CDC25B: variants seen among roughly 807,000 people sequenced by gnomAD.
CDC25B encodes the protein cell division cycle 25B.
A neutral mutation model predicts 69.8 loss-of-function variants in CDC25B; 33 were observed. The observed-to-expected ratio is 0.47, with a 90% CI of 0.36 to 0.63. The LOEUF is 0.63. CDC25B is among the 30% of genes least tolerant of loss of function. The pLI, the probability that CDC25B is intolerant of heterozygous loss-of-function variation, is 0.00. For missense variants in CDC25B, 727 were observed against 809.1 expected (o/e 0.90, Z 1.23); for synonymous variants, 341 against 314.6 (o/e 1.08, Z -0.89).
chr20:3,791,171 A>C (rs2088909632), intron 1 of CDC25B, among the ~76,000 whole-genome samples: 1 of 152,240 alleles, frequency 6.6e-6, no homozygotes, highest in African/African-American at 2.4e-5. Context: ...TATTGAAGAC[A>C]ATAACTCAAC....
chr20:3,796,501 C>T lies in CDC25B; in HGVS notation c.-31C>T. On this transcript the variant is annotated 5_prime_UTR_variant, in exon 1 of 16. Coordinates refer to ENST00000245960, the MANE Select transcript of CDC25B (RefSeq NM_021873.4). Reference sequence around the variant, plus strand: ...TTTGTTGGCTGCCCTGCGCCCGGCCCTCCAGCCAGCCTTCTGCCGGCCCCG... The same window carrying T: ...TTTGTTGGCTGCCCTGCGCCCGGCCTTCCAGCCAGCCTTCTGCCGGCCCCG... The T allele has an allele frequency of 6.8e-7, 1 of 1,471,502 alleles. No homozygotes were observed. Among genetic ancestry groups the T allele is most frequent in the Non-Finnish European group, 8.9e-7 (1 of 1,117,388 alleles). 91.2% of individuals were successfully genotyped at this position (1,471,502 alleles called of 1,614,324 possible).
intron 3 of CDC25B, 140 bp downstream of exon 3, chr20:3,798,603 C>T: frequency 1.8e-6 from 1 of 555,610 alleles, no homozygotes; most frequent in Non-Finnish European, 3.1e-6. Flanking sequence ...GGCCGGGGGG[C>T]TCACTGACTT....
At chr20:3,799,136 G>A (rs1295739847) in intron 3 of CDC25B, among the ~76,000 whole-genome samples, 1 of 152,216 alleles carries the variant, frequency 6.6e-6, no homozygotes, top group African/African-American at 2.4e-5. Flanking sequence ...AGGGACAGCT[G>A]GGCATCTCTG....
Position 3,802,928 on chromosome 20 carries a change from G to A in CDC25B, c.1213G>A (p.Val405Ile). 1.9e-6 allele frequency: 3 copies of A among 1,613,992 alleles called. No homozygotes were observed. The highest frequency in any genetic ancestry group is 2.5e-6 in the Non-Finnish European group (3 of 1,179,874). Residue 405 changes from valine to isoleucine, a missense_variant, in exon 12 of 16, where the codon GTA (valine) becomes ATA (isoleucine). Transcript: ENST00000245960. ...DYSKAFLLQTVDGKHQDLKYI... is the reference protein window; with the variant it reads ...DYSKAFLLQTIDGKHQDLKYI... Reference sequence around the variant, plus strand: ...CCTTCAGGCCTTCCTCCTACAGACAGTAGACGGAAAGCACCAAGACCTCAA... The same window carrying A: ...CCTTCAGGCCTTCCTCCTACAGACAATAGACGGAAAGCACCAAGACCTCAA...
At chr20:3,795,190 G>A (rs1184395276), upstream of CDC25B, among the ~76,000 whole-genome samples, 3 of 152,026 alleles carry the variant, frequency 2.0e-5, no homozygotes, top group African/African-American at 7.2e-5. Flanking sequence ...TGAAACCCCC[G>A]TCTCTACTAA....
upstream of CDC25B, among the ~76,000 whole-genome samples, chr20:3,791,721 C>T (rs550681561): frequency 1.3e-5 from 2 of 152,224 alleles, no homozygotes; most frequent in African/African-American, 4.8e-5. Flanking sequence ...TGCCTCCCAT[C>T]AGTTCCTCCC....
intron 1 of CDC25B, among the ~76,000 whole-genome samples, chr20:3,797,229 A>T (rs1218049351): frequency 6.6e-6 from 1 of 152,214 alleles, no homozygotes; most frequent in African/African-American, 2.4e-5. Context: ...GGGTTGTTCC[A>T]GTAGGAGAAC....
chr20:3,797,571 T>C (rs958058707), intron 1 of CDC25B, 51 bp from the exon 2 acceptor site: 2 of 1,606,006 alleles, frequency 1.2e-6, no homozygotes, highest in Admixed American at 3.4e-5. Flanking sequence ...AGCCAGGCCT[T>C]GAGCCCCACG....
chr20:3,786,976 C>T, exon 1 of CDC25B: 1 of 535,348 alleles, frequency 1.9e-6, no homozygotes, highest in Non-Finnish European at 3.2e-6. Flanking sequence ...CGCTACTGCG[C>T]CCGGCGGACA....
chr20:3,798,016 A>G (rs1412920114), intron 2 of CDC25B, among the ~76,000 whole-genome samples: 2 of 152,236 alleles, frequency 1.3e-5, no homozygotes, highest in Non-Finnish European at 2.9e-5. Flanking sequence ...CACGCTCCAG[A>G]GTTCCTAAAC....
intron 4 of CDC25B, 40 bp downstream of exon 4, chr20:3,800,369 C>T (rs776962934): frequency 1.2e-6 from 2 of 1,613,776 alleles, no homozygotes; most frequent in South Asian, 1.1e-5. Context: ...CACAAGCTTT[C>T]CCTTAGGACA....
chr20:3,790,536 C>T (rs2088898028), intron 1 of CDC25B, among the ~76,000 whole-genome samples: 1 of 150,174 alleles, frequency 6.7e-6, no homozygotes, highest in Non-Finnish European at 1.5e-5. Context: ...AAGTTAACAT[C>T]TCGGGCTGGG....
upstream of CDC25B, among the ~76,000 whole-genome samples, chr20:3,793,339 C>T (rs1422835082): frequency 6.6e-6 from 1 of 151,906 alleles, no homozygotes; most frequent in Non-Finnish European, 1.5e-5. Context: ...CACCTGTAAT[C>T]CCAGGTACTC....
chr20:3,794,509 G>T (rs962979921), upstream of CDC25B, among the ~76,000 whole-genome samples: 2 of 95,184 alleles, frequency 2.1e-5, no homozygotes, highest in Non-Finnish European at 4.1e-5. Flanking sequence ...TGCAAATCTC[G>T]GGGCAGTTTT....
At chr20:3,794,583 A>T (rs567321748), upstream of CDC25B, among the ~76,000 whole-genome samples, 1 of 152,148 alleles carries the variant, frequency 6.6e-6, no homozygotes, top group African/African-American at 2.4e-5. Flanking sequence ...CCTGGCACTA[A>T]GGGCAGTCAC....
At chr20:3,790,801 C>T (rs933048224) in intron 1 of CDC25B, among the ~76,000 whole-genome samples, 2 of 152,068 alleles carry the variant, frequency 1.3e-5, no homozygotes, top group Admixed American at 1.3e-4. Context: ...AACTCCTGAC[C>T]TCAGGTGATC....
At chr20:3,797,884 A>C (rs1235017593) in intron 2 of CDC25B, 135 bp downstream of exon 2, 2 of 1,063,324 alleles carry the variant, frequency 1.9e-6, no homozygotes, top group East Asian at 2.4e-5. Flanking sequence ...CCTCTCCCCC[A>C]CCCTCCACAG....
At chr20:3,787,076 T>G (rs1161073402) in exon 1 of CDC25B, 19 of 607,098 alleles carry the variant, frequency 3.1e-5, no homozygotes, top group Non-Finnish European at 4.9e-5. Flanking sequence ...CTTTTTTTTT[T>G]GCGGAACCTG....
upstream of CDC25B, among the ~76,000 whole-genome samples, chr20:3,793,960 G>C (rs1262230425): frequency 6.8e-6 from 1 of 148,010 alleles, no homozygotes. Context: ...AGTATTCCAT[G>C]GTGTATATGT....
Sources: gnomAD v4.1 joint callset for allele counts (sites outside exome capture counted in the v4.1 genomes callset) on GRCh38, gnomAD v4.1.1 for gene constraint, MANE v1.5 for transcripts, NCBI Gene and HGNC (gene_info 2026-07-23, HGNC 2026-07-21) for gene names.